SORCS1: variants seen among roughly 807,000 people sequenced by gnomAD.
The protein encoded by SORCS1 is sortilin related VPS10 domain containing receptor 1, also known as VPS10 domain-containing receptor SorCS1.
A neutral mutation model predicts 146.1 loss-of-function variants in SORCS1; 60 were observed. The observed-to-expected ratio is 0.41, with a 90% CI of 0.33 to 0.51. SORCS1 has a LOEUF of 0.51. Ranked by LOEUF, SORCS1 falls within the 20% of genes least tolerant of loss-of-function variation. The probability of loss-of-function intolerance (pLI) is 0.21; values close to 1 mark genes in which losing one functional copy is unlikely to be tolerated. For missense variants in SORCS1, 1,352 were observed against 1,487.6 expected, an observed-to-expected ratio of 0.91 and a Z score of 1.50; for synonymous variants, 637 against 584.0, an observed-to-expected ratio of 1.09 and a Z score of -1.31.
intron 17 of SORCS1, among the ~76,000 whole-genome samples, chr10:106,663,562 T>C (rs563570805): frequency 7.4e-4 from 113 of 152,366 alleles, no homozygotes; most frequent in African/African-American, 2.6e-3. Context: ...GATTATATAC[T>C]GAATCTGCTT....
rs761689988 is a variant in SORCS1, at chr10:106,989,680, G to GTTTTT, written c.559-33105_559-33101dup. On this transcript the variant is annotated intron_variant, in intron 1 of 25. Transcript: ENST00000263054. ...ACTCATATTTTTTCTGTTTTTTTTT[G>GTTTTT]TTTTTTTTTTTTTTTTTTTTTTCTG... 1.2e-3 allele frequency among the ~76,000 whole-genome samples: 85 copies of GTTTTT among 70,358 alleles called. 2 individuals are homozygous for GTTTTT. Among genetic ancestry groups the GTTTTT allele is most frequent in the African/African-American group, 4.2e-3 (79 of 18,698 alleles). 46.2% of individuals were successfully genotyped at this position (70,358 alleles called of 152,430 possible). A position where few individuals can be genotyped will look rare whatever the true frequency, so the allele number is the denominator to read the frequency against.
chr10:106,657,297 C>A (rs1850372436), intron 17 of SORCS1, among the ~76,000 whole-genome samples: 2 of 152,150 alleles, frequency 1.3e-5, no homozygotes, highest in South Asian at 2.1e-4. Flanking sequence ...GAAATAATGT[C>A]TTTTGCAGCA....
intron 2 of SORCS1, among the ~76,000 whole-genome samples, chr10:106,844,110 G>C (rs1589532636): frequency 6.6e-6 from 1 of 152,158 alleles, no homozygotes; most frequent in Non-Finnish European, 1.5e-5. Context: ...TTTCATTGTG[G>C]TTTTAACTTG....
intron 1 of SORCS1, among the ~76,000 whole-genome samples, chr10:107,074,764 T>C (rs546735677): frequency 1.5e-4 from 23 of 152,302 alleles, no homozygotes; most frequent in African/African-American, 4.6e-4. Context: ...GGTATCTTAT[T>C]GTTGTTTTAA....
the SORCS1 span, among the ~76,000 whole-genome samples, chr10:107,172,682 T>C: frequency 6.6e-6 from 1 of 152,184 alleles, no homozygotes; most frequent in Non-Finnish European, 1.5e-5. Flanking sequence ...AAGCTAATGC[T>C]CTCACATTTT....
At chr10:107,090,983 G>C (rs1209819856) in intron 1 of SORCS1, among the ~76,000 whole-genome samples, 1 of 152,076 alleles carries the variant, frequency 6.6e-6, no homozygotes, top group Non-Finnish European at 1.5e-5. Flanking sequence ...AGAAAAGATA[G>C]CCAGTGACCT....
At chr10:106,930,354 G>C (rs766621739) in intron 2 of SORCS1, among the ~76,000 whole-genome samples, 8 of 152,018 alleles carry the variant, frequency 5.3e-5, no homozygotes, top group African/African-American at 7.2e-5. Flanking sequence ...CACCAGGAAA[G>C]GTCACTCCTA....
At chr10:106,582,267 T>G (rs1844967398) in intron 24 of SORCS1, among the ~76,000 whole-genome samples, 4 of 152,210 alleles carry the variant, frequency 2.6e-5, no homozygotes, top group South Asian at 4.1e-4. Flanking sequence ...CAAGCAGCAT[T>G]AACACTGTTA....
In SORCS1 at chr10:106,946,923, C is replaced by A. The variant is rs551866615; in HGVS notation, c.626+9590G>T. Among the ~76,000 whole-genome samples, 3 of 152,088 alleles carry A rather than the reference C, an allele frequency of 2.0e-5. No homozygotes were observed. In the East Asian group the frequency reaches 5.8e-4, roughly 30 times the overall value. Reference sequence around the variant, plus strand: ...AACAAAATAAATATACATCTGATAACCATTATAAGTCAAAGATACATAATT... The same window carrying A: ...AACAAAATAAATATACATCTGATAAACATTATAAGTCAAAGATACATAATT... On this transcript the variant is annotated intron_variant, in intron 2 of 25. Coordinates refer to ENST00000263054, the MANE Select transcript of SORCS1 (RefSeq NM_052918.5).
intron 1 of SORCS1, among the ~76,000 whole-genome samples, chr10:106,958,430 T>C (rs1233314007): frequency 2.0e-5 from 3 of 152,122 alleles, no homozygotes; most frequent in African/African-American, 7.2e-5. Context: ...GAATGCTGAG[T>C]CCAAGTTCCA....
chr10:106,816,896 C>G (rs1217437304), intron 3 of SORCS1, among the ~76,000 whole-genome samples: 2 of 152,156 alleles, frequency 1.3e-5, no homozygotes, highest in Non-Finnish European at 2.9e-5. Context: ...AAGGTCAGCT[C>G]TCTTGGAACA....
chr10:107,119,913 T>G (rs1966289400), intron 1 of SORCS1, among the ~76,000 whole-genome samples: 1 of 152,136 alleles, frequency 6.6e-6, no homozygotes, highest in Non-Finnish European at 1.5e-5. Context: ...TCTATGGAAC[T>G]ATCCGTTTAC....
intron 1 of SORCS1, among the ~76,000 whole-genome samples, chr10:107,154,100 C>T (rs994929419): frequency 6.7e-6 from 1 of 149,918 alleles, no homozygotes; most frequent in Admixed American, 6.7e-5. Flanking sequence ...CAACCTCCAC[C>T]TCCCAGGTTC....
At chr10:106,796,909 A>G (rs1028430398) in intron 3 of SORCS1, among the ~76,000 whole-genome samples, 9 of 152,190 alleles carry the variant, frequency 5.9e-5, no homozygotes, top group African/African-American at 4.8e-5. Context: ...GAAGATTGAG[A>G]CCATCCTGCC....
intron 1 of SORCS1, 22 bp from the exon 2 acceptor site, chr10:106,956,602 A>G (rs2138992677): frequency 5.0e-6 from 8 of 1,609,386 alleles, no homozygotes; most frequent in Non-Finnish European, 6.8e-6. Context: ...AGAAGAAATC[A>G]TGGTTAGTCT....
intron 3 of SORCS1, among the ~76,000 whole-genome samples, chr10:106,783,178 A>T (rs1861027352): frequency 6.6e-6 from 1 of 152,214 alleles, no homozygotes; most frequent in African/African-American, 2.4e-5. Context: ...ACAAGTTGCC[A>T]TTTATTGAGC....
intron 9 of SORCS1, among the ~76,000 whole-genome samples, chr10:106,691,129 T>C (rs557950734): frequency 1.3e-5 from 2 of 152,282 alleles, no homozygotes; most frequent in East Asian, 3.9e-4. Context: ...AGGGAGCATG[T>C]TTATGTTTCT....
At chr10:107,091,218 G>T (rs1964159148) in intron 1 of SORCS1, among the ~76,000 whole-genome samples, 1 of 152,326 alleles carries the variant, frequency 6.6e-6, no homozygotes, top group East Asian at 1.9e-4. Context: ...ATGCAACAGA[G>T]CTGGTGAGTA....
intron 18 of SORCS1, among the ~76,000 whole-genome samples, chr10:106,651,690 C>A (rs112967873): frequency 6.6e-6 from 1 of 152,134 alleles, no homozygotes. Flanking sequence ...GTTTAATAAT[C>A]GAGATGATTT....
Sources: allele counts gnomAD v4.1 joint callset (sites outside exome capture counted in the v4.1 genomes callset), GRCh38; gene constraint gnomAD v4.1.1; transcripts MANE v1.5; gene names NCBI Gene and HGNC (gene_info 2026-07-23, HGNC 2026-07-21).